Variants in PCDHGB6 observed in about 807,000 individuals in gnomAD.
PCDHGB6 encodes the protein protocadherin gamma-B6.
In PCDHGB6, 51 loss-of-function variants were observed where a neutral mutation model predicts 59.1. The ratio of observed to expected loss-of-function variants is 0.86; its 90% confidence interval spans 0.69 to 1.09. The LOEUF (loss-of-function observed/expected upper bound fraction) is 1.09, where lower values mean the gene tolerates loss of function less well. PCDHGB6 is among the 50% of genes least tolerant of loss of function. The pLI is 0.00. For synonymous variants in PCDHGB6, 466 were observed against 495.1 expected (o/e 0.94, Z 0.78); for missense variants, 1,148 against 1,205.1 (o/e 0.95, Z 0.70).
In PCDHGB6 at chr5:141,487,087, C is replaced by G. The variant is rs752261507; in HGVS notation, c.2419-7720C>G. 1.2e-6 allele frequency: 2 copies of G among 1,613,890 alleles called. No homozygotes were observed. Among genetic ancestry groups the G allele is most frequent in the Non-Finnish European group, 1.7e-6 (2 of 1,179,804 alleles). ...CGGCTGTTCCTATCCCAGCTGACCT[C>G]CCACCACAGAAGCTGGTCATTGTGG... On this transcript the variant is annotated intron_variant, in intron 1 of 3. Transcript: ENST00000520790. The surrounding 1 kb of genome is among the most constrained non-coding windows in gnomAD (Gnocchi z 5.0).
intron 2 of PCDHGB6, among the ~76,000 whole-genome samples, chr5:141,499,298 C>A (rs1239333151): frequency 6.6e-6 from 1 of 152,210 alleles, no homozygotes; most frequent in African/African-American, 2.4e-5. Context: ...ACACTACCAT[C>A]CCTCCTCTGA....
Position 141,490,721 on chromosome 5 carries a change from T to C in PCDHGB6, c.2419-4086T>C, listed in dbSNP as rs779242781. On this transcript the variant is annotated intron_variant, in intron 1 of 3. Coordinates refer to ENST00000520790, the MANE Select transcript of PCDHGB6 (RefSeq NM_018926.3). This position sits in a 1 kb window ranked among gnomAD's most constrained non-coding sequence, Gnocchi z 5.4. The stretch of plus-strand genomic sequence containing the variant: ...AATGCCCGCCTCACCTACTCCATTG[T>C]AGGAAATCAGGTTCAGGGAGCCCCA... 23 of 1,614,056 alleles carry C rather than the reference T, an allele frequency of 1.4e-5. No individual in the cohort carries two copies. The highest frequency in any genetic ancestry group is 6.6e-5 in the South Asian group (6 of 91,080).
At position 141,489,585 on chromosome 5, in the gene PCDHGB6, G is replaced by A; in HGVS notation, c.2419-5222G>A. 3 of 1,614,090 alleles carry A rather than the reference G, an allele frequency of 1.9e-6. No individual in the cohort carries two copies. Among genetic ancestry groups the A allele is most frequent in the Non-Finnish European group, 2.5e-6 (3 of 1,180,004 alleles). The stretch of plus-strand genomic sequence containing the variant: ...AGGTGGTGACTGAACACCCCCTGGA[G>A]CTAATCCGTGTAGAGGTAGAGATCC... On this transcript the variant is annotated intron_variant, in intron 1 of 3. Coordinates refer to ENST00000520790, the MANE Select transcript of PCDHGB6 (RefSeq NM_018926.3). The surrounding 1 kb of genome is among the most constrained non-coding windows in gnomAD (Gnocchi z 4.5).
chr5:141,430,413 A>G lies in PCDHGB6; in HGVS notation c.2418+19793A>G, dbSNP rs1437560579. ...AAAAAAAAAGCTCACTAAAGTTTCTATTAAAGCGAATACGGTAGATTTCCA... is the reference window on the plus strand; with the variant it reads ...AAAAAAAAAGCTCACTAAAGTTTCTGTTAAAGCGAATACGGTAGATTTCCA... On this transcript the variant is annotated intron_variant, in intron 1 of 3. Coordinates refer to ENST00000520790, the MANE Select transcript of PCDHGB6 (RefSeq NM_018926.3). Among the ~76,000 whole-genome samples the G allele has an allele frequency of 2.0e-5, 3 of 151,870 alleles. No homozygotes were observed. In the South Asian group the frequency reaches 6.2e-4, roughly 31 times the overall value.
At chr5:141,428,204 C>T (rs756271858) in intron 1 of PCDHGB6, 23 of 1,324,604 alleles carry the variant, frequency 1.7e-5, no homozygotes, top group Admixed American at 5.5e-5. Flanking sequence ...TGCGCCGCTA[C>T]GCTTCACCTA....
At chr5:141,420,052 C>T (rs535784301) in intron 1 of PCDHGB6, 1 of 1,614,070 alleles carries the variant, frequency 6.2e-7, no homozygotes, top group South Asian at 1.1e-5. Flanking sequence ...AGTCAGTTCT[C>T]TGCTCCAAGT....
rs774682943 is a variant in PCDHGB6 at position 141,493,841 on chromosome 5, T to G, written c.2419-966T>G. Among the ~76,000 whole-genome samples the G allele has an allele frequency of 3.3e-5, 5 of 152,024 alleles. No homozygotes were observed. Among genetic ancestry groups the G allele is most frequent in the Non-Finnish European group, 7.4e-5 (5 of 68,010 alleles). On this transcript the variant is annotated intron_variant, in intron 1 of 3. Transcript: ENST00000520790. This position sits in a 1 kb window ranked among gnomAD's most constrained non-coding sequence, Gnocchi z 4.3. The stretch of plus-strand genomic sequence containing the variant: ...CTCTGCTTCTGGGAGCAAGTATGAG[T>G]ATTAATTACCAGCCCACCCCAGAAC...
intron 1 of PCDHGB6, chr5:141,478,260 T>C (rs1340624663): frequency 6.2e-7 from 1 of 1,614,182 alleles, no homozygotes; most frequent in East Asian, 2.2e-5. Context: ...GTAATCATAT[T>C]CAAAGTTTAC....
chr5:141,436,921 C>T lies in PCDHGB6; in HGVS notation c.2418+26301C>T, dbSNP rs73794904. Among the ~76,000 whole-genome samples the T allele has an allele frequency of 9.3e-3, 1,413 of 152,246 alleles. 25 individuals carry two copies. The highest frequency in any genetic ancestry group is 0.032 in the African/African-American group (1,313 of 41,572). On this transcript the variant is annotated intron_variant, in intron 1 of 3. Coordinates refer to ENST00000520790, the MANE Select transcript of PCDHGB6 (RefSeq NM_018926.3). ...ATATGAGACAATTTTGTGAGTGTTA[C>T]TTTTTCTTTGTCTGAACCATAGTGA...
chr5:141,449,936 T>C (rs1016569958), intron 1 of PCDHGB6, among the ~76,000 whole-genome samples: 4 of 151,978 alleles, frequency 2.6e-5, no homozygotes, highest in African/African-American at 9.6e-5. Context: ...CCTTATAGTA[T>C]ATTTTACTAT....
In PCDHGB6 at chr5:141,491,354, C is replaced by T. The variant is rs2099710960; in HGVS notation, c.2419-3453C>T. The T allele has an allele frequency of 6.2e-7, 1 of 1,614,166 alleles. No homozygotes were observed. Among genetic ancestry groups the T allele is most frequent in the South Asian group, 1.1e-5 (1 of 91,088 alleles). On this transcript the variant is annotated intron_variant, in intron 1 of 3. Coordinates refer to ENST00000520790, the MANE Select transcript of PCDHGB6 (RefSeq NM_018926.3). This position sits in a 1 kb window ranked among gnomAD's most constrained non-coding sequence, Gnocchi z 6.9. ...GCTCTAGCGACCGTCAGTCTCTTAT[C>T]CCTAGTCACCTTCACCTTTCTGTCA...
chr5:141,414,161 G>A (rs960511656), intron 1 of PCDHGB6: 1 of 1,603,276 alleles, frequency 6.2e-7, no homozygotes, highest in Non-Finnish European at 8.5e-7. Flanking sequence ...GAAGATGGAG[G>A]AGCATATCTT....
At position 141,478,875 on chromosome 5, in the gene PCDHGB6, G is replaced by A. The variant is rs913320768; in HGVS notation, c.2419-15932G>A. On this transcript the variant is annotated intron_variant, in intron 1 of 3. Coordinates refer to ENST00000520790, the MANE Select transcript of PCDHGB6 (RefSeq NM_018926.3). ...ACAAGATCTCAGCGATCAGAGTTTA[G>A]CTTGGTATCATTTACATTAGGAATA... The A allele has an allele frequency of 2.4e-6, 3 of 1,273,470 alleles. No homozygotes were observed. The South Asian group carries it at 4.8e-5, about 21-fold the overall frequency. 78.9% of individuals were successfully genotyped at this position (1,273,470 alleles called of 1,614,324 possible).
chr5:141,423,609 A>G lies in PCDHGB6; in HGVS notation c.2418+12989A>G, dbSNP rs748925693. The G allele has an allele frequency of 5.0e-6, 8 of 1,611,572 alleles. No homozygotes were observed. The South Asian group carries it at 7.7e-5, about 16-fold the overall frequency. ...GTGAGAAAAGCGAGCCACTCTTGAT[A>G]GCTGAAGACTCAGCTATCATTTTAG... On this transcript the variant is annotated intron_variant, in intron 1 of 3. Transcript: ENST00000520790.
At chr5:141,427,923 C>T (rs2097089935) in intron 1 of PCDHGB6, 3 of 1,580,656 alleles carry the variant, frequency 1.9e-6, no homozygotes, top group African/African-American at 1.3e-5. Context: ...CATGAGCCGG[C>T]GCATGTTGGT....
chr5:141,417,771 C>G, intron 1 of PCDHGB6: 1 of 1,456,488 alleles, frequency 6.9e-7, no homozygotes, highest in Non-Finnish European at 9.1e-7. Flanking sequence ...CGGGACTCCT[C>G]CTGTCCTGGG....
intron 1 of PCDHGB6, among the ~76,000 whole-genome samples, chr5:141,443,016 G>T (rs1325670377): frequency 6.6e-6 from 1 of 152,204 alleles, no homozygotes; most frequent in East Asian, 1.9e-4. Context: ...TATGACTAAT[G>T]GAAGTTGCCA....
chr5:141,433,802 A>G (rs2097651656), intron 1 of PCDHGB6, among the ~76,000 whole-genome samples: 1 of 149,280 alleles, frequency 6.7e-6, no homozygotes, highest in Non-Finnish European at 1.5e-5. Flanking sequence ...GTGCCATTGC[A>G]CTCCAGCCTG....
At chr5:141,465,318 A>G (rs1440554123) in intron 1 of PCDHGB6, among the ~76,000 whole-genome samples, 1 of 152,198 alleles carries the variant, frequency 6.6e-6, no homozygotes, top group Non-Finnish European at 1.5e-5. Flanking sequence ...AGCCATGTCA[A>G]TGCAGTATTT....
Sources: allele counts gnomAD v4.1 joint callset (sites outside exome capture counted in the v4.1 genomes callset), GRCh38; gene constraint gnomAD v4.1.1; non-coding constraint Gnocchi (gnomAD v3.1); transcripts MANE v1.5; gene names NCBI Gene and HGNC (gene_info 2026-07-23, HGNC 2026-07-21).